Variants in ABCC5 observed in about 807,000 individuals in gnomAD.
ABCC5 encodes ATP-binding cassette sub-family C member 5.
In ABCC5, 61 loss-of-function variants were observed where a neutral mutation model predicts 160.9. That is an observed-to-expected ratio of 0.38 (90% CI 0.31 to 0.47). The LOEUF is 0.47. ABCC5 is among the 20% of genes least tolerant of loss of function. ABCC5 has a pLI of 0.99. For missense variants in ABCC5, 1,308 were observed against 1,813.3 expected, an observed-to-expected ratio of 0.72 and a Z score of 5.06; for synonymous variants, 666 against 700.6, an observed-to-expected ratio of 0.95 and a Z score of 0.78.
chr3:183,977,410 C>T (rs1718313730), intron 10 of ABCC5, 107 bp downstream of exon 10: 2 of 712,862 alleles, frequency 2.8e-6, no homozygotes, highest in East Asian at 5.8e-5. Context: ...AGGCCAAAGC[C>T]AAGCTTAAGC....
chr3:184,000,487 T>C (rs1435491599), intron 2 of ABCC5, among the ~76,000 whole-genome samples: 1 of 152,226 alleles, frequency 6.6e-6, no homozygotes, highest in Non-Finnish European at 1.5e-5. Flanking sequence ...GAGGGCCTAC[T>C]ATGTGCCAGG....
At chr3:183,936,644 A>C (rs985451833) in intron 26 of ABCC5, among the ~76,000 whole-genome samples, 12 of 152,080 alleles carry the variant, frequency 7.9e-5, no homozygotes, top group African/African-American at 2.7e-4. Context: ...AGTAGCTGGG[A>C]CTACAGGCGC....
At chr3:183,940,477 A>G in intron 25 of ABCC5, among the ~76,000 whole-genome samples, 1 of 150,864 alleles carries the variant, frequency 6.6e-6, no homozygotes, top group Non-Finnish European at 1.5e-5. Flanking sequence ...AAAAAAAAAA[A>G]AAAAAAAAAA....
chr3:183,927,232 G>C (rs1403058994), intron 28 of ABCC5, 98 bp downstream of exon 28: 4 of 1,215,228 alleles, frequency 3.3e-6, no homozygotes, highest in Non-Finnish European at 4.6e-6. Context: ...TGCCAACAGG[G>C]ATCAGAGCCA....
intron 2 of ABCC5, among the ~76,000 whole-genome samples, chr3:184,007,752 G>A (rs1198574602): frequency 6.6e-6 from 1 of 152,116 alleles, no homozygotes; most frequent in Non-Finnish European, 1.5e-5. Flanking sequence ...GCTTGAACTT[G>A]GGAGGCGGAG....
chr3:184,014,564 CT>C (rs1287565553), intron 1 of ABCC5, 117 bp from the exon 2 acceptor site: 5 of 470,244 alleles, frequency 1.1e-5, no homozygotes, highest in African/African-American at 2.1e-5. Flanking sequence ...AAGCTTTCTA[CT>C]GTTATAGCTA....
intron 29 of ABCC5, among the ~76,000 whole-genome samples, 156 bp downstream of exon 29, chr3:183,925,399 C>T (rs984685061): frequency 3.3e-5 from 5 of 152,182 alleles, no homozygotes; most frequent in African/African-American, 9.6e-5. Flanking sequence ...TCTTGTGATT[C>T]GGAGGCTGTA....
At chr3:183,950,447 T>A (rs558878128) in intron 20 of ABCC5, among the ~76,000 whole-genome samples, 11 of 152,350 alleles carry the variant, frequency 7.2e-5, no homozygotes, top group Non-Finnish European at 1.5e-4. Flanking sequence ...AAAAACTATA[T>A]TCTTACCAAT....
rs144373894 is a variant in ABCC5 at position 183,939,102 on chromosome 3, A to G, written c.3695-1042T>C. ...TCGGTCTTTCCTCAGAGTTGAGATC[A>G]TATCAGAAATGCAATATTGTAATTG... On this transcript the variant is annotated intron_variant, in intron 25 of 29. Coordinates refer to ENST00000334444, the MANE Select transcript of ABCC5 (RefSeq NM_005688.4). 1.9e-4 allele frequency among the ~76,000 whole-genome samples: 29 copies of G among 152,360 alleles called. 1 individual carries two copies. The East Asian group carries it at 5.4e-3, about 28-fold the overall frequency.
chr3:183,992,663 C>T (rs1033071420), intron 2 of ABCC5, among the ~76,000 whole-genome samples: 23 of 152,076 alleles, frequency 1.5e-4, no homozygotes, highest in Admixed American at 2.6e-4. Context: ...ATGGCAGGCA[C>T]CTATAGTCCC....
At chr3:184,014,501 A>G (rs1722026144) in intron 1 of ABCC5, 54 bp from the exon 2 acceptor site, 6 of 1,204,594 alleles carry the variant, frequency 5.0e-6, no homozygotes, top group Non-Finnish European at 6.5e-6. Context: ...GTACTTAACC[A>G]TAAGCTCAAG....
At chr3:184,005,673 C>A (rs144627903) in intron 2 of ABCC5, among the ~76,000 whole-genome samples, 9,578 of 151,314 alleles carry the variant, frequency 0.063, 1,061 homozygotes, top group African/African-American at 0.22. Flanking sequence ...GGAGATATAC[C>A]TAATGTAAAT....
chr3:184,015,253 C>T (rs9811001), intron 1 of ABCC5, among the ~76,000 whole-genome samples: 1,608 of 152,306 alleles, frequency 0.011, 31 homozygotes, highest in African/African-American at 0.036. Flanking sequence ...TTCTAAACCA[C>T]TGCTTGCCTG....
chr3:183,925,087 C>G (rs921023496), intron 29 of ABCC5, among the ~76,000 whole-genome samples: 2 of 152,196 alleles, frequency 1.3e-5, no homozygotes, highest in Non-Finnish European at 2.9e-5. Flanking sequence ...AGTTTGGTGC[C>G]GCTGCGTGAT....
chr3:183,993,203 G>T (rs191676425), intron 2 of ABCC5, among the ~76,000 whole-genome samples: 2 of 152,168 alleles, frequency 1.3e-5, no homozygotes, highest in East Asian at 3.9e-4. Flanking sequence ...GGTACTGCCG[G>T]GCTGGGCGCA....
intron 2 of ABCC5, among the ~76,000 whole-genome samples, chr3:184,013,072 T>C (rs1033134252): frequency 4.6e-5 from 7 of 152,336 alleles, no homozygotes; most frequent in East Asian, 1.9e-4. Flanking sequence ...ATGCTTTTTT[T>C]CCTCAGGAAA....
rs756500118 is a variant in ABCC5 at position 183,971,830 on chromosome 3, T to C, written c.1494A>G (p.Ala498=). 8 of 1,614,036 alleles carry C rather than the reference T, an allele frequency of 5.0e-6. No homozygotes were observed. The highest frequency in any genetic ancestry group is 2.2e-5 in the East Asian group (1 of 44,878). Residue 498 remains alanine (A), a synonymous_variant, in exon 11 of 30, where the codon GCA becomes GCG. Coordinates refer to ENST00000334444, the MANE Select transcript of ABCC5 (RefSeq NM_005688.4). ...IKIEMKNATL[A]WDSSHSSIQN... ...GGATACTGGAGTGGGAGGAGTCCCA[T>C]GCCAAGGTGGCATTTTTCATCTCTA...
chr3:184,015,469 G>A (rs1279280577), intron 1 of ABCC5, among the ~76,000 whole-genome samples: 2 of 152,118 alleles, frequency 1.3e-5, no homozygotes, highest in African/African-American at 4.8e-5. Flanking sequence ...CCTGGCTATC[G>A]CTGTGACTTA....
rs1248610018 is a variant in ABCC5 at position 184,017,500 on chromosome 3, C to T, written c.-56+330G>A. Reference sequence around the variant, plus strand: ...TTCCCACAGCCCGCTCCGGCCTGCCCAGGCGAGCGCGACCCACACCCACGG... The same window carrying T: ...TTCCCACAGCCCGCTCCGGCCTGCCTAGGCGAGCGCGACCCACACCCACGG... On this transcript the variant is annotated intron_variant, in intron 1 of 29. Coordinates refer to ENST00000334444, the MANE Select transcript of ABCC5 (RefSeq NM_005688.4). This position sits in a 1 kb window ranked among gnomAD's most constrained non-coding sequence, Gnocchi z 4.5. The T allele has an allele frequency of 6.6e-6, 1 of 152,094 alleles. No individual in the cohort carries two copies. The highest frequency in any genetic ancestry group is 1.5e-5 in the Non-Finnish European group (1 of 68,022). 9.4% of individuals were successfully genotyped at this position (152,094 alleles called of 1,614,324 possible).
Sources: gnomAD v4.1 joint callset for allele counts (sites outside exome capture counted in the v4.1 genomes callset) on GRCh38, gnomAD v4.1.1 for gene constraint, Gnocchi (gnomAD v3.1) non-coding constraint, MANE v1.5 for transcripts, NCBI Gene and HGNC (gene_info 2026-07-23, HGNC 2026-07-21) for gene names.